The following PADI4 variants were observed in gnomAD, a reference collection of about 807,000 sequenced individuals.
The protein encoded by PADI4 is peptidyl arginine deiminase 4, also known as protein-arginine deiminase type-4.
A neutral mutation model predicts 75.0 loss-of-function variants in PADI4; 62 were observed. That is an observed-to-expected ratio of 0.83 (90% CI 0.67 to 1.02). The LOEUF is 1.02. Ranked by LOEUF, PADI4 falls within the 50% of genes least tolerant of loss-of-function variation. The pLI, the probability that PADI4 is intolerant of heterozygous loss-of-function variation, is 0.00. For synonymous variants in PADI4, 361 were observed against 348.1 expected (o/e 1.04, Z -0.41); for missense variants, 845 against 850.5 (o/e 0.99, Z 0.08).
At chr1:17,338,759 T>C (rs2074362745) in intron 5 of PADI4, among the ~76,000 whole-genome samples, 1 of 152,180 alleles carries the variant, frequency 6.6e-6, no homozygotes, top group Admixed American at 6.5e-5. Flanking sequence ...ACCTCTGGGC[T>C]GCTAAGGGGG....
intron 1 of PADI4, among the ~76,000 whole-genome samples, chr1:17,327,238 A>C (rs973827971): frequency 1.6e-4 from 24 of 152,134 alleles, no homozygotes; most frequent in African/African-American, 5.3e-4. Context: ...TATTAGATGC[A>C]TACAAGTTTA....
At chr1:17,316,080 C>T (rs2073928272) in intron 1 of PADI4, among the ~76,000 whole-genome samples, 1 of 151,990 alleles carries the variant, frequency 6.6e-6, no homozygotes, top group Admixed American at 6.5e-5. Context: ...GGCTGCCACC[C>T]CCATCTTCCC....
At chr1:17,309,131 A>T (rs1334161503) in intron 1 of PADI4, among the ~76,000 whole-genome samples, 1 of 144,828 alleles carries the variant, frequency 6.9e-6, no homozygotes, top group Non-Finnish European at 1.5e-5. Context: ...GTAAGCAAAA[A>T]CTCAGTTCTA....
chr1:17,352,175 T>G lies in PADI4; in HGVS notation c.1156-2358T>G, dbSNP rs771935447. ...CAATCAGGGAGGTGATGAGAGGTGGTAGGAGAGGCGGTCAGGGAGGAGATG... is the reference window on the plus strand; with the variant it reads ...CAATCAGGGAGGTGATGAGAGGTGGGAGGAGAGGCGGTCAGGGAGGAGATG... On this transcript the variant is annotated intron_variant, in intron 10 of 15. Coordinates refer to ENST00000375448, the MANE Select transcript of PADI4 (RefSeq NM_012387.3). 8.6e-3 allele frequency among the ~76,000 whole-genome samples: 946 copies of G among 109,756 alleles called. 6 individuals are homozygous for G. Among genetic ancestry groups the G allele is most frequent in the South Asian group, 0.02 (64 of 3,124 alleles). The allele number at this position is 109,756 out of a possible 152,430, so 72.0% of individuals were successfully genotyped here. A position where few individuals can be genotyped will look rare whatever the true frequency, so the allele number is the denominator to read the frequency against.
chr1:17,342,882 C>T (rs147987462), intron 8 of PADI4, among the ~76,000 whole-genome samples: 18 of 152,204 alleles, frequency 1.2e-4, no homozygotes, highest in South Asian at 4.2e-4. Flanking sequence ...GGCCGAGGCA[C>T]GAGAATTGCT....
intron 1 of PADI4, among the ~76,000 whole-genome samples, chr1:17,323,389 CA>C (rs533815239): frequency 2.0e-4 from 31 of 152,292 alleles, no homozygotes; most frequent in African/African-American, 7.5e-4. Context: ...GAGAATTACA[CA>C]AGGGCATGAA....
chr1:17,354,794 C>A, intron 11 of PADI4, 107 bp downstream of exon 11: 1 of 1,077,264 alleles, frequency 9.3e-7, no homozygotes, highest in Non-Finnish European at 1.3e-6. Flanking sequence ...CTAGACAGCC[C>A]AACAGACTTG....
intron 8 of PADI4, among the ~76,000 whole-genome samples, 155 bp downstream of exon 8, chr1:17,342,557 C>T (rs1213083047): frequency 6.6e-6 from 1 of 152,188 alleles, no homozygotes; most frequent in Non-Finnish European, 1.5e-5. Context: ...GGGAAGTTCC[C>T]TACTGTTGTT....
At chr1:17,352,783 C>T (rs1159110966) in intron 10 of PADI4, among the ~76,000 whole-genome samples, 2 of 152,198 alleles carry the variant, frequency 1.3e-5, no homozygotes, top group Non-Finnish European at 2.9e-5. Context: ...AATTGGTCAA[C>T]ATCCAAATGG....
chr1:17,342,073 C>T lies in PADI4; in HGVS notation c.783C>T (p.Phe261=), dbSNP rs769297708. 7 of 1,614,108 alleles carry T rather than the reference C, an allele frequency of 4.3e-6. No homozygotes were observed. In the South Asian group the frequency reaches 7.7e-5, roughly 18 times the overall value. Residue 261 remains phenylalanine, a synonymous_variant, in exon 7 of 16, where the codon TTC becomes TTT. Transcript: ENST00000375448. Reference sequence around the variant, plus strand: ...CCCTCGCTTTCCCGGACACCGACTTCCCGGGGCTCATTACCCTCACCATCT... The same window carrying T: ...CCCTCGCTTTCCCGGACACCGACTTTCCGGGGCTCATTACCCTCACCATCT... ...VEALAFPDTD[F]PGLITLTISL...
At chr1:17,349,391 C>A (rs190276532) in intron 10 of PADI4, among the ~76,000 whole-genome samples, 3 of 152,278 alleles carry the variant, frequency 2.0e-5, no homozygotes, top group Admixed American at 1.3e-4. Flanking sequence ...CTAAGCACAT[C>A]TGTGTATTCC....
Position 17,342,342 on chromosome 1 carries a change from G to T in PADI4, c.875G>T (p.Arg292Leu). 6.2e-7 allele frequency: 1 copy of T among 1,613,992 alleles called. No homozygotes were observed. The highest frequency in any genetic ancestry group is 8.5e-7 in the Non-Finnish European group (1 of 1,179,928). ...GTGTTCCAAGACAGCGTGGTCTTCC[G>T]CGTGGCGCCCTGGATCATGACCCCC... is the stretch of plus-strand genomic sequence containing the variant. The part of the protein sequence containing the change: ...AVVFQDSVVF[R>L]VAPWIMTPNT... The change falls in exon 8 of 16, where the codon CGC becomes CTC. Residue 292 changes from arginine (R) to leucine (L), a missense_variant. Transcript: ENST00000375448.
chr1:17,312,137 G>A (rs2073845245), intron 1 of PADI4, among the ~76,000 whole-genome samples: 1 of 152,102 alleles, frequency 6.6e-6, no homozygotes, highest in Non-Finnish European at 1.5e-5. Context: ...TCCTAAATGG[G>A]TCTGGGACTT....
chr1:17,330,814 C>A (rs2074196760), intron 1 of PADI4, among the ~76,000 whole-genome samples, 155 bp from the exon 2 acceptor site: 1 of 152,218 alleles, frequency 6.6e-6, no homozygotes, highest in South Asian at 2.1e-4. Flanking sequence ...TGGCAACACC[C>A]TCACAGATAC....
chr1:17,328,633 G>C (rs539575821), intron 1 of PADI4, among the ~76,000 whole-genome samples: 1 of 143,786 alleles, frequency 7.0e-6, no homozygotes, highest in Non-Finnish European at 1.5e-5. Flanking sequence ...GGTGACAAAG[G>C]GAGACCCTGT....
At position 17,363,657 on chromosome 1, in the gene PADI4, G is replaced by A. The variant is rs192286295; in HGVS notation, c.1894G>A (p.Asp632Asn). 1.4e-5 allele frequency: 22 copies of A among 1,614,144 alleles called. No homozygotes were observed. The African/African-American group carries it at 2.1e-4, about 16-fold the overall frequency. Residue 632 changes from aspartate (D) to asparagine (N), a missense_variant, in exon 16 of 16, where the codon GAC becomes AAC. Coordinates refer to ENST00000375448, the MANE Select transcript of PADI4 (RefSeq NM_012387.3). ...PLGLQCTFIN[D>N]FFTYHIRHGE... is the part of the protein sequence containing the mutation. ...GGGCCTCCAGTGCACCTTCATCAAC[G>A]ACTTCTTCACCTACCACATCAGGCA... is the stretch of plus-strand genomic sequence containing the variant.
intron 2 of PADI4, among the ~76,000 whole-genome samples, chr1:17,332,079 G>A (rs1299059567): frequency 6.6e-6 from 1 of 152,098 alleles, no homozygotes; most frequent in Non-Finnish European, 1.5e-5. Context: ...CCAGCTTCTG[G>A]GGGCTGTCAG....
chr1:17,360,817 C>T (rs1350086570), intron 15 of PADI4, among the ~76,000 whole-genome samples: 1 of 152,180 alleles, frequency 6.6e-6, no homozygotes, highest in Non-Finnish European at 1.5e-5. Flanking sequence ...CCGGGAAGGC[C>T]TCTGTGAGGA....
In PADI4 at chr1:17,331,062, C is replaced by T. The variant is rs1259451839; in HGVS notation, c.186C>T (p.Ser62=). 3.7e-6 allele frequency: 6 copies of T among 1,611,072 alleles called. No individual in the cohort carries two copies. The highest frequency in any genetic ancestry group is 4.2e-6 in the Non-Finnish European group (5 of 1,178,676). The change falls in exon 2 of 16, where the codon TCC becomes TCT. Residue 62 remains serine, a synonymous_variant. Coordinates refer to ENST00000375448, the MANE Select transcript of PADI4 (RefSeq NM_012387.3). The stretch of plus-strand genomic sequence containing the variant: ...ACGGCCCTCCAGCCAAGAAGAAATC[C>T]ACAGGTTCCTCCACATGGCCCCTGG... The part of the protein sequence containing the change: ...IAHGPPAKKK[S]TGSSTWPLDP...
Sources: gnomAD v4.1 joint callset for allele counts (sites outside exome capture counted in the v4.1 genomes callset) on GRCh38, gnomAD v4.1.1 for gene constraint, MANE v1.5 for transcripts, NCBI Gene and HGNC (gene_info 2026-07-23, HGNC 2026-07-21) for gene names.